Variants in PRRX2 observed in about 807,000 individuals in gnomAD.
The protein encoded by PRRX2 is paired mesoderm homeobox protein 2.
A neutral mutation model predicts 18.0 loss-of-function variants in PRRX2; 11 were observed. The observed-to-expected ratio is 0.61, with a 90% CI of 0.39 to 1.01. The LOEUF is 1.01. Among genes scored for constraint, PRRX2 ranks in the 50% least tolerant of loss-of-function variants. The probability of loss-of-function intolerance (pLI) is 0.01; values close to 1 mark genes in which losing one functional copy is unlikely to be tolerated. For missense variants in PRRX2, 387 were observed against 351.0 expected (o/e 1.10, Z -0.82); for synonymous variants, 177 against 154.8 (o/e 1.14, Z -1.06).
intron 1 of PRRX2, among the ~76,000 whole-genome samples, chr9:129,710,617 C>T (rs1336070004): frequency 1.3e-5 from 2 of 152,166 alleles, no homozygotes; most frequent in African/African-American, 4.8e-5. Context: ...CTTGTAGTCC[C>T]AACTACTCGG....
At chr9:129,672,513 C>T (rs1378097892) in intron 1 of PRRX2, among the ~76,000 whole-genome samples, 2 of 152,206 alleles carry the variant, frequency 1.3e-5, no homozygotes, top group African/African-American at 4.8e-5. Flanking sequence ...GCCCCTGGCT[C>T]CCGGGAATGC....
At chr9:129,704,810 G>A (rs1045001806) in intron 1 of PRRX2, among the ~76,000 whole-genome samples, 1 of 152,154 alleles carries the variant, frequency 6.6e-6, no homozygotes, top group Admixed American at 6.5e-5. Flanking sequence ...CAAGCCACAC[G>A]AAGTCAACAT....
At chr9:129,706,737 T>A (rs1307028412) in intron 1 of PRRX2, among the ~76,000 whole-genome samples, 1 of 151,892 alleles carries the variant, frequency 6.6e-6, no homozygotes, top group Non-Finnish European at 1.5e-5. Context: ...AAAATAAAAT[T>A]AAATTAGAAA....
At chr9:129,693,116 G>T (rs1432110037) in intron 1 of PRRX2, among the ~76,000 whole-genome samples, 1 of 152,126 alleles carries the variant, frequency 6.6e-6, no homozygotes, top group Non-Finnish European at 1.5e-5. Context: ...GTATCTCACT[G>T]TAGTTTTAAT....
chr9:129,683,549 A>C (rs1198853887), intron 1 of PRRX2, among the ~76,000 whole-genome samples: 1 of 152,006 alleles, frequency 6.6e-6, no homozygotes, highest in Non-Finnish European at 1.5e-5. Flanking sequence ...TCCTGGCTAA[A>C]ACGGTGAAAC....
At chr9:129,692,046 C>T (rs562177682) in intron 1 of PRRX2, among the ~76,000 whole-genome samples, 4 of 152,002 alleles carry the variant, frequency 2.6e-5, no homozygotes, top group South Asian at 2.1e-4. Context: ...TGGGTTCAAG[C>T]GATTCTCCCA....
Position 129,695,233 on chromosome 9 carries a change from G to C in PRRX2, c.260-23998G>C, listed in dbSNP as rs558556563. ...GTCCGTGAGTGTGGATAGGTGGCCCGTAATCAACACTCCCTCCAGAGGTTT... is the reference window on the plus strand; with the variant it reads ...GTCCGTGAGTGTGGATAGGTGGCCCCTAATCAACACTCCCTCCAGAGGTTT... On this transcript the variant is annotated intron_variant, in intron 1 of 3. Coordinates refer to ENST00000372469, the MANE Select transcript of PRRX2 (RefSeq NM_016307.4). The surrounding 1 kb of genome is among the most constrained non-coding windows in gnomAD (Gnocchi z 4.8). 5.3e-5 allele frequency among the ~76,000 whole-genome samples: 8 copies of C among 152,044 alleles called. No homozygotes were observed. Among genetic ancestry groups the C allele is most frequent in the African/African-American group, 1.9e-4 (8 of 41,408 alleles).
chr9:129,681,278 G>C (rs2119062336), intron 1 of PRRX2, among the ~76,000 whole-genome samples: 1 of 152,362 alleles, frequency 6.6e-6, no homozygotes, highest in East Asian at 1.9e-4. Context: ...CCAGCACTTT[G>C]GGAGGCTGAG....
At chr9:129,700,576 C>T (rs1039468895) in intron 1 of PRRX2, among the ~76,000 whole-genome samples, 11 of 151,696 alleles carry the variant, frequency 7.3e-5, no homozygotes, top group African/African-American at 2.7e-4. Context: ...GTGATCTGCC[C>T]GCCTCCGCCT....
chr9:129,721,006 T>C (rs1485640510), intron 3 of PRRX2, among the ~76,000 whole-genome samples: 1 of 149,720 alleles, frequency 6.7e-6, no homozygotes, highest in African/African-American at 2.6e-5. Context: ...TCAACGTACA[T>C]GTGGGCACAC....
chr9:129,696,533 G>T (rs764030642), intron 1 of PRRX2, among the ~76,000 whole-genome samples: 14 of 152,108 alleles, frequency 9.2e-5, no homozygotes, highest in Admixed American at 5.9e-4. Context: ...CCCAGATCGC[G>T]CCGCTGCACT....
chr9:129,693,287 CTT>C (rs1832383028), intron 1 of PRRX2, among the ~76,000 whole-genome samples: 1 of 152,048 alleles, frequency 6.6e-6, no homozygotes, highest in African/African-American at 2.4e-5. Flanking sequence ...GGTAGATAGT[CTT>C]TTAAAAAAAA....
At chr9:129,711,001 C>T (rs1025399198) in intron 1 of PRRX2, among the ~76,000 whole-genome samples, 5 of 152,148 alleles carry the variant, frequency 3.3e-5, no homozygotes, top group African/African-American at 1.2e-4. Context: ...CCTTAATCCT[C>T]GCTGCCCTGC....
At chr9:129,720,883 A>G in intron 3 of PRRX2, 109 bp downstream of exon 3, 1 of 1,248,964 alleles carries the variant, frequency 8.0e-7, no homozygotes, top group Non-Finnish European at 1.1e-6. Flanking sequence ...AATGGTGTCC[A>G]CGCGCCCCTG....
rs1049992833 is a variant in PRRX2 at position 129,715,005 on chromosome 9, G to C, written c.260-4226G>C. On this transcript the variant is annotated intron_variant, in intron 1 of 3. Coordinates refer to ENST00000372469, the MANE Select transcript of PRRX2 (RefSeq NM_016307.4). This position sits in a 1 kb window ranked among gnomAD's most constrained non-coding sequence, Gnocchi z 4.0. ...TTTCTTCCTCATCGAGGTGGTGGGG[G>C]TGGAAAGACATTCACAGGCAGCAGA... is the stretch of plus-strand genomic sequence containing the variant. 1.3e-5 allele frequency among the ~76,000 whole-genome samples: 2 copies of C among 152,136 alleles called. No individual in the cohort carries two copies. Among genetic ancestry groups the C allele is most frequent in the Admixed American group, 6.6e-5 (1 of 15,266 alleles).
Position 129,709,429 on chromosome 9 carries a change from G to A in PRRX2, c.260-9802G>A, listed in dbSNP as rs1402192438. On this transcript the variant is annotated intron_variant, in intron 1 of 3. Transcript: ENST00000372469. The surrounding 1 kb of genome is among the most constrained non-coding windows in gnomAD (Gnocchi z 4.2). ...AACTCCAGGGTCATCCTGAGCCTGC[G>A]GAGGCCACACTAGCCACCATTCTTG... is the stretch of plus-strand genomic sequence containing the variant. Among the ~76,000 whole-genome samples the A allele has an allele frequency of 2.0e-5, 3 of 152,138 alleles. No individual in the cohort carries two copies. The highest frequency in any genetic ancestry group is 1.3e-4 in the Admixed American group (2 of 15,274).
Position 129,720,771 on chromosome 9 carries a change from A to G in PRRX2, c.623A>G (p.Tyr208Cys). Reference sequence around the variant, plus strand: ...CTCTCCTGGACAGCCTCGTCCCCCTACAGGTGAGAGCGGGAACACCTTTGG... The same window carrying G: ...CTCTCCTGGACAGCCTCGTCCCCCTGCAGGTGAGAGCGGGAACACCTTTGG... ...DYLSWTASSP[Y>C]STVPPYSPGS... Residue 208 changes from tyrosine to cysteine, a missense_variant, in exon 3 of 4, where the codon TAC becomes TGC. Transcript: ENST00000372469. 1 of 1,578,390 alleles carries G rather than the reference A, an allele frequency of 6.3e-7. No homozygotes were observed. The highest frequency in any genetic ancestry group is 8.6e-7 in the Non-Finnish European group (1 of 1,160,084).
At chr9:129,684,448 ACACACACACACC>A (rs1258895425) in intron 1 of PRRX2, among the ~76,000 whole-genome samples, 4 of 148,718 alleles carry the variant, frequency 2.7e-5, no homozygotes, top group African/African-American at 7.5e-5. Flanking sequence ...ACACACACAC[ACACACACACACC>A]CAACAGAAAA....
chr9:129,682,650 G>A (rs1012726614), intron 1 of PRRX2, among the ~76,000 whole-genome samples: 7 of 152,262 alleles, frequency 4.6e-5, no homozygotes, highest in South Asian at 2.1e-4. Flanking sequence ...CAATGGCTTC[G>A]CCCAATCCCG....
Sources: allele counts gnomAD v4.1 joint callset (sites outside exome capture counted in the v4.1 genomes callset), GRCh38; gene constraint gnomAD v4.1.1; non-coding constraint Gnocchi (gnomAD v3.1); transcripts MANE v1.5; gene names NCBI Gene and HGNC (gene_info 2026-07-23, HGNC 2026-07-21).